Variants in GPC5 observed in about 807,000 individuals in gnomAD.
GPC5 encodes glypican-5.
In GPC5, 47 loss-of-function variants were observed where a neutral mutation model predicts 53.9. The ratio of observed to expected loss-of-function variants is 0.87; its 90% CI spans 0.69 to 1.11. The LOEUF is 1.11. Ranked by LOEUF, GPC5 falls within the 50% of genes most tolerant of loss-of-function variation. GPC5 has a pLI of 0.00. For synonymous variants in GPC5, 286 were observed against 263.3 expected (o/e 1.09, Z -0.84); for missense variants, 748 against 713.1 (o/e 1.05, Z -0.56).
chr13:92,825,625 T>C (rs922379293), intron 7 of GPC5, among the ~76,000 whole-genome samples: 4 of 152,132 alleles, frequency 2.6e-5, no homozygotes, highest in Admixed American at 2.6e-4. Flanking sequence ...AAATGAATAC[T>C]GAACAGAGTA....
intron 2 of GPC5, among the ~76,000 whole-genome samples, chr13:91,500,092 TTGTC>T (rs1594172717): frequency 6.6e-6 from 1 of 152,326 alleles, no homozygotes; most frequent in South Asian, 2.1e-4. Flanking sequence ...CCAGCTTTCT[TTGTC>T]TGTCCTGTAT....
At chr13:92,367,287 T>A (rs1485148564) in intron 7 of GPC5, among the ~76,000 whole-genome samples, 3 of 152,214 alleles carry the variant, frequency 2.0e-5, no homozygotes, top group Non-Finnish European at 4.4e-5. Flanking sequence ...TTGTAAATGA[T>A]CTTAATATTA....
At chr13:92,294,826 C>CTTTTTTTTTTTTTTTTTTTTTT (rs147963724) in intron 7 of GPC5, among the ~76,000 whole-genome samples, 4 of 98,998 alleles carry the variant, frequency 4.0e-5, no homozygotes, top group African/African-American at 8.6e-5. Context: ...TTTTTTTTTT[C>CTTTTTTTTTTTTTTTTTTTTTT]TTTTTTTTTT....
chr13:92,223,993 A>T (rs2042466964), intron 7 of GPC5, among the ~76,000 whole-genome samples: 1 of 152,140 alleles, frequency 6.6e-6, no homozygotes, highest in Admixed American at 6.6e-5. Context: ...TTGAAAAAAT[A>T]AGCATCTAGT....
intron 6 of GPC5, among the ~76,000 whole-genome samples, chr13:92,033,945 T>G (rs1225939207): frequency 6.6e-6 from 1 of 152,222 alleles, no homozygotes; most frequent in African/African-American, 2.4e-5. Flanking sequence ...GGGAATTGTT[T>G]TGTAATAACC....
intron 7 of GPC5, among the ~76,000 whole-genome samples, chr13:92,664,233 G>C (rs1343825156): frequency 6.6e-6 from 1 of 151,968 alleles, no homozygotes; most frequent in Non-Finnish European, 1.5e-5. Flanking sequence ...GTGAGCACAA[G>C]GGGCTGAGAA....
chr13:92,136,956 C>T (rs2148448), intron 6 of GPC5, among the ~76,000 whole-genome samples: 87,058 of 152,082 alleles, frequency 0.57, 25,266 homozygotes, highest in Non-Finnish European at 0.61. Context: ...CCTAAACCAA[C>T]TAAACATAAG....
intron 6 of GPC5, among the ~76,000 whole-genome samples, chr13:92,100,752 A>C (rs897385709): frequency 1.3e-5 from 2 of 152,208 alleles, no homozygotes; most frequent in Non-Finnish European, 2.9e-5. Context: ...AAAGATGCCA[A>C]GACCAAGGAG....
intron 6 of GPC5, among the ~76,000 whole-genome samples, chr13:92,120,894 T>A (rs987878226): frequency 4.6e-5 from 7 of 152,194 alleles, no homozygotes; most frequent in African/African-American, 1.7e-4. Flanking sequence ...CTTTCAACAT[T>A]TGCCTTTTCA....
At chr13:92,646,535 T>C (rs1885775573) in intron 7 of GPC5, among the ~76,000 whole-genome samples, 1 of 152,132 alleles carries the variant, frequency 6.6e-6, no homozygotes, top group Non-Finnish European at 1.5e-5. Context: ...AATCAGCTTG[T>C]CAATTCAACA....
intron 7 of GPC5, among the ~76,000 whole-genome samples, chr13:92,442,950 T>C (rs1326162141): frequency 6.6e-6 from 1 of 152,184 alleles, no homozygotes; most frequent in African/African-American, 2.4e-5. Flanking sequence ...AAAATAGATA[T>C]GCAACTGTGT....
chr13:92,673,714 G>T (rs1321904848), intron 7 of GPC5, among the ~76,000 whole-genome samples: 1 of 152,114 alleles, frequency 6.6e-6, no homozygotes, highest in Non-Finnish European at 1.5e-5. Flanking sequence ...AATAATATGT[G>T]AAAGTAATGA....
chr13:92,515,030 T>C (rs1278208424), intron 7 of GPC5, among the ~76,000 whole-genome samples: 1 of 152,090 alleles, frequency 6.6e-6, no homozygotes, highest in Non-Finnish European at 1.5e-5. Flanking sequence ...TGGTGAAAGT[T>C]AGAGAAAACT....
In GPC5 at chr13:92,070,556, A is replaced by T. The variant is rs576668125; in HGVS notation, c.1402-74274A>T. 2.0e-5 allele frequency among the ~76,000 whole-genome samples: 3 copies of T among 152,248 alleles called. No individual in the cohort carries two copies. The South Asian group carries it at 6.2e-4, about 32-fold the overall frequency. On this transcript the variant is annotated intron_variant, in intron 6 of 7. Coordinates refer to ENST00000377067, the MANE Select transcript of GPC5 (RefSeq NM_004466.6). Reference sequence around the variant, plus strand: ...ATTTCTAGATACTTTCATTACTGTAATCCCCTTTTATAGGAAATTTTTGTT... The same window carrying T: ...ATTTCTAGATACTTTCATTACTGTATTCCCCTTTTATAGGAAATTTTTGTT...
chr13:92,548,182 A>T (rs1442808160), intron 7 of GPC5, among the ~76,000 whole-genome samples: 1 of 151,766 alleles, frequency 6.6e-6, no homozygotes, highest in Non-Finnish European at 1.5e-5. Context: ...GTTGAGATCC[A>T]CCTGTAAACT....
At chr13:91,492,939 T>G (rs1354006530) in intron 2 of GPC5, among the ~76,000 whole-genome samples, 1 of 152,032 alleles carries the variant, frequency 6.6e-6, no homozygotes, top group East Asian at 1.9e-4. Flanking sequence ...CACCACCTCT[T>G]TCCCCCCAGT....
At chr13:92,357,351 T>C (rs536730773) in intron 7 of GPC5, among the ~76,000 whole-genome samples, 1 of 151,870 alleles carries the variant, frequency 6.6e-6, no homozygotes, top group East Asian at 1.9e-4. Flanking sequence ...AAAGTGTTCC[T>C]TTTTCTCTGC....
rs1446028213 is a variant in GPC5, at chr13:91,440,278, A to T, written c.164-8483A>T. ...TCCGTAAGGCTTGTTCCTTTCATCC[A>T]TCTATCCATCCATCTATTTATTTTT... On this transcript the variant is annotated intron_variant, in intron 1 of 7. Coordinates refer to ENST00000377067, the MANE Select transcript of GPC5 (RefSeq NM_004466.6). 2.0e-5 allele frequency among the ~76,000 whole-genome samples: 3 copies of T among 152,048 alleles called. No homozygotes were observed. In the South Asian group the frequency reaches 6.2e-4, roughly 32 times the overall value.
intron 2 of GPC5, among the ~76,000 whole-genome samples, chr13:91,666,847 T>A (rs1379510895): frequency 2.6e-5 from 4 of 152,166 alleles, no homozygotes. Flanking sequence ...CATATCTTAG[T>A]TTTTATTCCA....
Sources: allele counts gnomAD v4.1 joint callset (sites outside exome capture counted in the v4.1 genomes callset), GRCh38; gene constraint gnomAD v4.1.1; transcripts MANE v1.5; gene names NCBI Gene and HGNC (gene_info 2026-07-23, HGNC 2026-07-21).